Variants in ZNF704 observed in about 807,000 individuals in gnomAD.
ZNF704 encodes glucocorticoid induced gene 1.
A neutral mutation model predicts 44.7 loss-of-function variants in ZNF704; 10 were observed. The ratio of observed to expected loss-of-function variants is 0.22; its 90% CI spans 0.14 to 0.38. ZNF704 has a LOEUF of 0.38. ZNF704 is among the 10% of genes least tolerant of loss of function. ZNF704 has a pLI of 1.00. For synonymous variants in ZNF704, 211 were observed against 207.6 expected, an observed-to-expected ratio of 1.02 and a Z score of -0.14; for missense variants, 390 against 545.5, an observed-to-expected ratio of 0.71 and a Z score of 2.84.
At chr8:80,691,881 C>A (rs1401651652) in intron 3 of ZNF704, among the ~76,000 whole-genome samples, 2 of 152,216 alleles carry the variant, frequency 1.3e-5, no homozygotes, top group Non-Finnish European at 2.9e-5. Context: ...CCTCCCCTTG[C>A]TGAAGCACAC....
chr8:80,817,317 G>C (rs959677917), intron 2 of ZNF704, among the ~76,000 whole-genome samples: 2 of 152,238 alleles, frequency 1.3e-5, no homozygotes, highest in Non-Finnish European at 2.9e-5. Flanking sequence ...GAAACCATCT[G>C]CTGCATTTGC....
intron 2 of ZNF704, among the ~76,000 whole-genome samples, chr8:80,776,515 G>C (rs1378116547): frequency 6.6e-6 from 1 of 151,978 alleles, no homozygotes; most frequent in African/African-American, 2.4e-5. Context: ...TTGAGATTTG[G>C]GAGTTTCATC....
intron 2 of ZNF704, among the ~76,000 whole-genome samples, chr8:80,714,021 G>C (rs1819033900): frequency 6.6e-6 from 1 of 152,164 alleles, no homozygotes; most frequent in Admixed American, 6.5e-5. Context: ...CTTAATACCA[G>C]CTGTCTTGGG....
At chr8:80,770,228 T>A (rs769693895) in intron 2 of ZNF704, among the ~76,000 whole-genome samples, 1 of 152,184 alleles carries the variant, frequency 6.6e-6, no homozygotes, top group Non-Finnish European at 1.5e-5. Context: ...CTGTCCACTA[T>A]TAAAACCAGG....
chr8:80,882,472 A>G, the ZNF704 span, among the ~76,000 whole-genome samples: 1 of 152,144 alleles, frequency 6.6e-6, no homozygotes, highest in South Asian at 2.1e-4. Context: ...AGTTTTTCAT[A>G]TCCACTTGTG....
At chr8:80,700,262 C>T (rs1043114790) in intron 2 of ZNF704, among the ~76,000 whole-genome samples, 7 of 152,072 alleles carry the variant, frequency 4.6e-5, no homozygotes, top group Non-Finnish European at 1.0e-4. Flanking sequence ...TCTCCTTAAC[C>T]CACCACCCCC....
intron 4 of ZNF704, among the ~76,000 whole-genome samples, chr8:80,677,249 C>T (rs1017834752): frequency 2.0e-5 from 3 of 152,150 alleles, no homozygotes; most frequent in Non-Finnish European, 4.4e-5. Context: ...ATATGATAAT[C>T]ACAGTGGTAT....
intron 4 of ZNF704, among the ~76,000 whole-genome samples, chr8:80,675,078 G>A (rs1818342795): frequency 6.6e-6 from 1 of 152,202 alleles, no homozygotes; most frequent in Admixed American, 6.5e-5. Flanking sequence ...TTCTTTCAAG[G>A]AAGTGAAATT....
At chr8:80,865,632 C>T (rs1032474690) in intron 1 of ZNF704, among the ~76,000 whole-genome samples, 2 of 152,208 alleles carry the variant, frequency 1.3e-5, no homozygotes, top group Admixed American at 6.5e-5. Context: ...CAACTAGCCA[C>T]GTACAATTAG....
intron 5 of ZNF704, among the ~76,000 whole-genome samples, chr8:80,666,382 T>G (rs1585935638): frequency 2.6e-5 from 4 of 151,872 alleles, no homozygotes; most frequent in East Asian, 1.9e-4. Context: ...CATTTGGGTT[T>G]ATTCCAAGTC....
intron 6 of ZNF704, among the ~76,000 whole-genome samples, chr8:80,661,303 G>T (rs1818098435): frequency 6.6e-6 from 1 of 152,174 alleles, no homozygotes; most frequent in Non-Finnish European, 1.5e-5. Flanking sequence ...ACAGATGCTG[G>T]TGAGGAAGCA....
At chr8:80,854,997 A>G (rs1808934883) in intron 1 of ZNF704, among the ~76,000 whole-genome samples, 1 of 152,202 alleles carries the variant, frequency 6.6e-6, no homozygotes, top group Admixed American at 6.5e-5. Flanking sequence ...GCCCTAAAGC[A>G]TTTACTCCTT....
rs1481697311 is a variant in ZNF704 at position 80,639,571 on chromosome 8, A to C, written c.*1795T>G. The C allele has an allele frequency of 2.0e-5, 3 of 152,218 alleles. No individual in the cohort carries two copies. Among genetic ancestry groups the C allele is most frequent in the Non-Finnish European group, 2.9e-5 (2 of 68,046 alleles). The allele number at this position is 152,218 out of a possible 1,614,324, so 9.4% of individuals were successfully genotyped here. A position where few individuals can be genotyped will look rare whatever the true frequency, so the allele number is the denominator to read the frequency against. The stretch of plus-strand genomic sequence containing the variant: ...ATAAATGTTTTTAAAGAAAAAAATA[A>C]ATGAAGAAAAAAACCAGGATCTCTT... On this transcript the variant is annotated 3_prime_UTR_variant, in exon 9 of 9. Transcript: ENST00000327835.
At chr8:80,738,211 A>C (rs529593546) in intron 2 of ZNF704, among the ~76,000 whole-genome samples, 20 of 152,312 alleles carry the variant, frequency 1.3e-4, no homozygotes, top group Middle Eastern at 3.4e-3. Flanking sequence ...TCAAAGAGTT[A>C]TCTACCAGGT....
intron 2 of ZNF704, among the ~76,000 whole-genome samples, chr8:80,764,831 A>G (rs774093050): frequency 2.0e-5 from 3 of 152,356 alleles, no homozygotes; most frequent in East Asian, 1.9e-4. Flanking sequence ...ATAATTTCAT[A>G]TATCTCTTAC....
intron 2 of ZNF704, among the ~76,000 whole-genome samples, chr8:80,714,053 C>T (rs555793310): frequency 6.6e-6 from 1 of 152,292 alleles, no homozygotes; most frequent in South Asian, 2.1e-4. Context: ...ATTCTTTTAC[C>T]ATCAGCTGCA....
rs535715547 is a variant in ZNF704 at position 80,767,272 on chromosome 8, A to G, written c.221+54102T>C. 2.0e-5 allele frequency among the ~76,000 whole-genome samples: 3 copies of G among 152,202 alleles called. No individual in the cohort carries two copies. The South Asian group carries it at 6.2e-4, about 32-fold the overall frequency. On this transcript the variant is annotated intron_variant, in intron 2 of 8. Coordinates refer to ENST00000327835, the MANE Select transcript of ZNF704 (RefSeq NM_001033723.3). ...TTGGTTAATTAATAAATATCTTATA[A>G]TAACAGTTTATTTGATTTCACCCAT...
chr8:80,852,765 A>C (rs1586076073), intron 1 of ZNF704, among the ~76,000 whole-genome samples: 2 of 152,206 alleles, frequency 1.3e-5, no homozygotes, highest in South Asian at 2.1e-4. Context: ...ACTGCATCTT[A>C]AGTAGGAGTG....
At chr8:80,761,166 G>T (rs774297928) in intron 2 of ZNF704, among the ~76,000 whole-genome samples, 10 of 152,116 alleles carry the variant, frequency 6.6e-5, no homozygotes, top group Non-Finnish European at 1.5e-4. Flanking sequence ...TGAGGACACA[G>T]CAAGAAGGTG....
Sources: allele counts gnomAD v4.1 joint callset (sites outside exome capture counted in the v4.1 genomes callset), GRCh38; gene constraint gnomAD v4.1.1; transcripts MANE v1.5; gene names NCBI Gene and HGNC (gene_info 2026-07-23, HGNC 2026-07-21).